ITFG1: variants seen among roughly 807,000 people sequenced by gnomAD.
The protein encoded by ITFG1 is T-cell immunomodulatory protein.
In ITFG1, 34 loss-of-function variants were observed where a neutral mutation model predicts 81.8. That is an observed-to-expected ratio of 0.42 (90% CI 0.32 to 0.55). The LOEUF is 0.55. ITFG1 is among the 20% of genes least tolerant of loss of function. The pLI, the probability that ITFG1 is intolerant of heterozygous loss-of-function variation, is 0.17. For synonymous variants in ITFG1, 285 were observed against 270.6 expected, an observed-to-expected ratio of 1.05 and a Z score of -0.52; for missense variants, 672 against 755.4, an observed-to-expected ratio of 0.89 and a Z score of 1.29.
intron 6 of ITFG1, among the ~76,000 whole-genome samples, chr16:47,399,108 A>C (rs1408839471): frequency 6.6e-6 from 1 of 152,224 alleles, no homozygotes; most frequent in African/African-American, 2.4e-5. Flanking sequence ...AGTGTAAATA[A>C]ATTAACTGGT....
chr16:47,394,409 G>A (rs969777313), intron 6 of ITFG1, among the ~76,000 whole-genome samples: 3 of 152,016 alleles, frequency 2.0e-5, no homozygotes, highest in South Asian at 2.1e-4. Flanking sequence ...TTTGAGAATC[G>A]CTCATGACTC....
chr16:47,459,083 A>G lies in ITFG1; in HGVS notation c.281+20T>C, dbSNP rs371073564. 3.5e-5 allele frequency: 49 copies of G among 1,401,062 alleles called. No individual in the cohort carries two copies. In the South Asian group the frequency reaches 4.3e-4, roughly 12 times the overall value. 86.8% of individuals were successfully genotyped at this position (1,401,062 alleles called of 1,614,324 possible). ...TATTAATGACTAAAGTTTTATCAAA[A>G]TAATCATATTTGTACTTACTTGAAA... On this transcript the variant is annotated intron_variant, in intron 2 of 17. Transcript: ENST00000320640.
chr16:47,177,705 T>C (rs1397309049), intron 14 of ITFG1, among the ~76,000 whole-genome samples: 2 of 152,188 alleles, frequency 1.3e-5, no homozygotes, highest in African/African-American at 2.4e-5. Flanking sequence ...TAACAGAAGA[T>C]CATGGTTGTT....
chr16:47,311,635 T>C (rs1390385997), intron 9 of ITFG1, among the ~76,000 whole-genome samples: 3 of 152,184 alleles, frequency 2.0e-5, no homozygotes, highest in African/African-American at 7.2e-5. Context: ...CATTTTTGTC[T>C]GAACTGGCAC....
At chr16:47,286,548 G>A (rs1271059208) in intron 10 of ITFG1, among the ~76,000 whole-genome samples, 1 of 151,910 alleles carries the variant, frequency 6.6e-6, no homozygotes, top group Non-Finnish European at 1.5e-5. Context: ...GCTGAGGCAG[G>A]AGAATCACTT....
chr16:47,389,360 T>C (rs1228942595), intron 6 of ITFG1, among the ~76,000 whole-genome samples: 4 of 152,212 alleles, frequency 2.6e-5, no homozygotes, highest in Non-Finnish European at 5.9e-5. Context: ...TGTATATAAT[T>C]GTATCACTAG....
At chr16:47,429,896 A>C (rs1403207797) in intron 5 of ITFG1, among the ~76,000 whole-genome samples, 1 of 151,916 alleles carries the variant, frequency 6.6e-6, no homozygotes, top group African/African-American at 2.4e-5. Flanking sequence ...TCCTGGCTTA[A>C]AGGGATCTTC....
intron 14 of ITFG1, among the ~76,000 whole-genome samples, chr16:47,180,879 G>A (rs1412530755): frequency 4.7e-5 from 7 of 150,144 alleles, no homozygotes; most frequent in African/African-American, 1.7e-4. Flanking sequence ...CTGCCTGGCT[G>A]CCCAGTCTGG....
chr16:47,191,763 C>G (rs1183443417), intron 14 of ITFG1, among the ~76,000 whole-genome samples: 1 of 152,144 alleles, frequency 6.6e-6, no homozygotes, highest in Admixed American at 6.5e-5. Context: ...CCAGAGGTCA[C>G]TTTGGCCTGC....
At chr16:47,271,414 T>C (rs1291196009) in intron 10 of ITFG1, among the ~76,000 whole-genome samples, 1 of 152,102 alleles carries the variant, frequency 6.6e-6, no homozygotes, top group Non-Finnish European at 1.5e-5. Flanking sequence ...CACAATTAAA[T>C]AACACTTCAC....
At position 47,374,176 on chromosome 16, in the gene ITFG1, AC is replaced by A. The variant is rs374709076; in HGVS notation, c.720+1699del. Among the ~76,000 whole-genome samples, 6 of 152,092 alleles carry A rather than the reference AC, an allele frequency of 3.9e-5. No individual in the cohort carries two copies. In the East Asian group the frequency reaches 1.2e-3, roughly 29 times the overall value. ...TCCAATCTCTTCCCCCTACTGCAAA[AC>A]CCCACTGTAGGAGCACTCTTGAAGA... On this transcript the variant is annotated intron_variant, in intron 7 of 17. Transcript: ENST00000320640.
chr16:47,218,064 A>G (rs1005166718), intron 14 of ITFG1: 17 of 152,256 alleles, frequency 1.1e-4, no homozygotes, highest in African/African-American at 3.6e-4. Flanking sequence ...TAGCTAAAAA[A>G]GTAAACTCAC....
chr16:47,431,748 A>G (rs1369204974), intron 5 of ITFG1, among the ~76,000 whole-genome samples: 5 of 152,192 alleles, frequency 3.3e-5, no homozygotes, highest in African/African-American at 1.2e-4. Context: ...CCATAGCACA[A>G]AGTTTCCATT....
At chr16:47,187,115 T>C (rs528537300) in intron 14 of ITFG1, among the ~76,000 whole-genome samples, 3,973 of 152,008 alleles carry the variant, frequency 0.026, 87 homozygotes, top group Middle Eastern at 0.051. Flanking sequence ...TAAAAGAGGA[T>C]ACAAACAAAT....
At chr16:47,415,376 C>T (rs1596968523) in intron 6 of ITFG1, among the ~76,000 whole-genome samples, 1 of 151,972 alleles carries the variant, frequency 6.6e-6, no homozygotes, top group East Asian at 1.9e-4. Context: ...AGTGGATTAT[C>T]GAAGAAAGTG....
intron 5 of ITFG1, among the ~76,000 whole-genome samples, chr16:47,440,362 C>A (rs934067739): frequency 7.2e-5 from 11 of 152,206 alleles, no homozygotes; most frequent in Admixed American, 7.2e-4. Context: ...GAACTCTCCA[C>A]CCCAAATCAA....
intron 6 of ITFG1, among the ~76,000 whole-genome samples, chr16:47,378,838 TA>T (rs1217376669): frequency 6.6e-6 from 1 of 152,222 alleles, no homozygotes; most frequent in Admixed American, 6.5e-5. Context: ...AAGAAACTCC[TA>T]AAGAAAATTT....
chr16:47,440,214 T>C (rs1001890376), intron 5 of ITFG1, among the ~76,000 whole-genome samples: 4 of 152,188 alleles, frequency 2.6e-5, no homozygotes, highest in Non-Finnish European at 4.4e-5. Flanking sequence ...CAAAGAGACT[T>C]AGACTCCCAC....
At chr16:47,414,158 G>GCAAA (rs758756056) in intron 6 of ITFG1, among the ~76,000 whole-genome samples, 2 of 152,082 alleles carry the variant, frequency 1.3e-5, no homozygotes, top group African/African-American at 2.4e-5. Flanking sequence ...GAGCAATGCT[G>GCAAA]CAAACAAACA....
Sources: allele counts gnomAD v4.1 joint callset (sites outside exome capture counted in the v4.1 genomes callset), GRCh38; gene constraint gnomAD v4.1.1; transcripts MANE v1.5; gene names NCBI Gene and HGNC (gene_info 2026-07-23, HGNC 2026-07-21).